Variants in TIA1 observed in about 807,000 individuals in gnomAD.
The protein encoded by TIA1 is cytotoxic granule associated RNA binding protein TIA1.
TIA1 carries 23 observed loss-of-function variants against 65.9 expected under a neutral mutation model. That is an observed-to-expected ratio of 0.35 (90% CI 0.25 to 0.49). TIA1 has a LOEUF of 0.49. TIA1 is among the 20% of genes least tolerant of loss of function. The pLI is 0.98. For missense variants in TIA1, 371 were observed against 477.9 expected (o/e 0.78, Z 2.09); for synonymous variants, 147 against 149.4 (o/e 0.98, Z 0.12).
At chr2:70,219,943 C>T (rs145700817) in intron 7 of TIA1, among the ~76,000 whole-genome samples, 1 of 151,982 alleles carries the variant, frequency 6.6e-6, no homozygotes, top group Non-Finnish European at 1.5e-5. Flanking sequence ...CTCCATGAGA[C>T]GCTTAACTAA....
chr2:70,213,592 G>A (rs960703190), intron 12 of TIA1, among the ~76,000 whole-genome samples: 3 of 150,574 alleles, frequency 2.0e-5, no homozygotes, highest in Non-Finnish European at 4.4e-5. Flanking sequence ...CAAGTGATCC[G>A]CCTGCCTTGG....
At chr2:70,217,042 T>C (rs2103957635) in intron 7 of TIA1, 48 bp from the exon 8 acceptor site, 1 of 1,549,866 alleles carries the variant, frequency 6.5e-7, no homozygotes, top group Non-Finnish European at 8.7e-7. Context: ...TATTAGTTGA[T>C]GTTAAACAAC....
chr2:70,216,327 CT>C, intron 9 of TIA1, 35 bp from the exon 10 acceptor site: 4 of 1,580,854 alleles, frequency 2.5e-6, no homozygotes, highest in Non-Finnish European at 3.4e-6. Flanking sequence ...ACAAATCACA[CT>C]AAGTTATATA....
intron 11 of TIA1, 129 bp from the exon 12 acceptor site, chr2:70,214,623 G>T (rs1352105403): frequency 5.2e-4 from 204 of 395,222 alleles, no homozygotes; most frequent in Middle Eastern, 1.0e-3. Context: ...ATAAACAAGA[G>T]TTGACTGCTA....
chr2:70,247,570 G>T (rs1041667869), intron 1 of TIA1, among the ~76,000 whole-genome samples: 4 of 152,040 alleles, frequency 2.6e-5, no homozygotes, highest in Non-Finnish European at 5.9e-5. Flanking sequence ...GAAAAACAAA[G>T]AACGCAGTTG....
At chr2:70,219,732 G>T (rs961237621) in intron 7 of TIA1, among the ~76,000 whole-genome samples, 2 of 137,520 alleles carry the variant, frequency 1.5e-5, no homozygotes, top group South Asian at 4.5e-4. Context: ...AGACTAGGTC[G>T]CCAGGCTTTT....
In TIA1 at chr2:70,216,932, A is replaced by T. The variant is rs756507988; in HGVS notation, c.537T>A (p.Thr179=). The change falls in exon 8 of 13, where the codon ACT becomes ACA. Residue 179 remains threonine (T), a synonymous_variant. Transcript: ENST00000433529. ...CGGGAGGCTTTCGGGTTGCCCAGTTAGTTCTGATTTGTCTTCCACCAAGCC... is the reference window on the plus strand; with the variant it reads ...CGGGAGGCTTTCGGGTTGCCCAGTTTGTTCTGATTTGTCTTCCACCAAGCC... ...GQWLGGRQIR[T]NWATRKPPAP... is the part of the protein sequence containing the mutation. The T allele has an allele frequency of 1.2e-6, 2 of 1,613,866 alleles. No homozygotes were observed. Among genetic ancestry groups the T allele is most frequent in the African/African-American group, 2.7e-5 (2 of 74,900 alleles).
chr2:70,214,984 G>A, intron 11 of TIA1: 1 of 194,790 alleles, frequency 5.1e-6, no homozygotes, highest in Non-Finnish European at 1.0e-5. Flanking sequence ...GAAAAAAAAG[G>A]CAGCAAAATC....
intron 1 of TIA1, among the ~76,000 whole-genome samples, chr2:70,241,032 C>T (rs928383979): frequency 1.3e-5 from 2 of 151,984 alleles, no homozygotes; most frequent in Non-Finnish European, 2.9e-5. Context: ...ATTAAAACAC[C>T]ACAGTAATAA....
chr2:70,212,661 G>T lies in TIA1; in HGVS notation c.*58C>A. The stretch of plus-strand genomic sequence containing the variant: ...TTTGATAAATCTTTAAGTAAACAAC[G>T]GCTTTACTACACTCCCTGTAGCCTC... On this transcript the variant is annotated 3_prime_UTR_variant, in exon 13 of 13. Coordinates refer to ENST00000433529, the MANE Select transcript of TIA1 (RefSeq NM_022173.4). 1 of 1,009,724 alleles carries T rather than the reference G, an allele frequency of 9.9e-7. No homozygotes were observed. Among genetic ancestry groups the T allele is most frequent in the South Asian group, 1.3e-5 (1 of 77,514 alleles). 62.5% of individuals were successfully genotyped at this position (1,009,724 alleles called of 1,614,324 possible).
At chr2:70,228,964 G>GC in intron 5 of TIA1, 95 bp downstream of exon 5, 10 of 1,023,102 alleles carry the variant, frequency 9.8e-6, no homozygotes, top group South Asian at 4.5e-5. Context: ...ATCTCCTCCC[G>GC]CCCCCCTCCC....
At chr2:70,235,337 C>G (rs1221927374) in intron 2 of TIA1, among the ~76,000 whole-genome samples, 1 of 152,136 alleles carries the variant, frequency 6.6e-6, no homozygotes, top group Non-Finnish European at 1.5e-5. Flanking sequence ...ATTGCTTGAA[C>G]CCGGGAGGCG....
intron 1 of TIA1, among the ~76,000 whole-genome samples, chr2:70,244,167 A>G (rs1693153647): frequency 6.6e-6 from 1 of 152,098 alleles, no homozygotes; most frequent in Admixed American, 6.6e-5. Context: ...AGCTCTTTCT[A>G]GGGTGCTCCT....
At chr2:70,221,692 A>G (rs1681459098) in intron 7 of TIA1, among the ~76,000 whole-genome samples, 1 of 152,122 alleles carries the variant, frequency 6.6e-6, no homozygotes, top group African/African-American at 2.4e-5. Flanking sequence ...TGAGTCATGT[A>G]GCTTCTTTTT....
At chr2:70,231,227 G>A (rs1009181818) in intron 2 of TIA1, among the ~76,000 whole-genome samples, 8 of 152,000 alleles carry the variant, frequency 5.3e-5, no homozygotes, top group African/African-American at 1.4e-4. Context: ...GCTTGAACCC[G>A]GGAGGTGGAG....
At chr2:70,213,769 G>A (rs755451682) in intron 12 of TIA1, among the ~76,000 whole-genome samples, 3 of 151,540 alleles carry the variant, frequency 2.0e-5, no homozygotes, top group Non-Finnish European at 4.4e-5. Flanking sequence ...CTCCTGCCTC[G>A]GCCTCCCAAA....
intron 1 of TIA1, 29 bp from the exon 2 acceptor site, chr2:70,236,204 T>A: frequency 4.4e-6 from 5 of 1,126,168 alleles, no homozygotes; most frequent in Non-Finnish European, 6.2e-6. Flanking sequence ...CAATTTACCT[T>A]TTTTTTTTTT....
At chr2:70,223,710 G>T (rs140429087) in intron 7 of TIA1, among the ~76,000 whole-genome samples, 1 of 150,978 alleles carries the variant, frequency 6.6e-6, no homozygotes, top group African/African-American at 2.4e-5. Context: ...CACTGGGCTC[G>T]GCTGAATTTT....
At chr2:70,213,638 C>T (rs915145231) in intron 12 of TIA1, among the ~76,000 whole-genome samples, 3 of 151,376 alleles carry the variant, frequency 2.0e-5, no homozygotes, top group Non-Finnish European at 4.4e-5. Context: ...CATGAGCCAC[C>T]ATGCCCAACC....
Sources: allele counts gnomAD v4.1 joint callset (sites outside exome capture counted in the v4.1 genomes callset), GRCh38; gene constraint gnomAD v4.1.1; transcripts MANE v1.5; gene names NCBI Gene and HGNC (gene_info 2026-07-23, HGNC 2026-07-21).